Variants in SLC7A2 observed in about 807,000 individuals in gnomAD.
SLC7A2 encodes the protein solute carrier family 7 member 2.
SLC7A2 carries 48 observed loss-of-function variants against 58.9 expected under a neutral mutation model. The ratio of observed to expected loss-of-function variants is 0.82; its 90% CI spans 0.65 to 1.04. The LOEUF (loss-of-function observed/expected upper bound fraction) is 1.04. SLC7A2 is among the 50% of genes least tolerant of loss of function. The probability of loss-of-function intolerance (pLI) is 0.00; values close to 1 mark genes in which losing one functional copy is unlikely to be tolerated. For synonymous variants in SLC7A2, 363 were observed against 314.5 expected (o/e 1.15, Z -1.63); for missense variants, 1,029 against 818.8 (o/e 1.26, Z -3.13).
At chr8:17,558,093 G>T (rs1211202194) in intron 8 of SLC7A2, among the ~76,000 whole-genome samples, 1 of 152,134 alleles carries the variant, frequency 6.6e-6, no homozygotes, top group Non-Finnish European at 1.5e-5. Flanking sequence ...AGAGAGCTGA[G>T]GGTTTTTGAA....
intron 2 of SLC7A2, among the ~76,000 whole-genome samples, chr8:17,504,201 G>C (rs1192785415): frequency 6.6e-6 from 1 of 152,170 alleles, no homozygotes; most frequent in Non-Finnish European, 1.5e-5. Context: ...TGAGTGTTTA[G>C]TGAGCCTCAG....
chr8:17,543,947 C>A (rs897830334), intron 3 of SLC7A2, among the ~76,000 whole-genome samples: 1 of 152,200 alleles, frequency 6.6e-6, no homozygotes, highest in Admixed American at 6.5e-5. Context: ...CAGCTCGCTG[C>A]AACCTCTGCC....
intron 2 of SLC7A2, among the ~76,000 whole-genome samples, chr8:17,532,844 C>T (rs192164887): frequency 2.7e-4 from 41 of 152,274 alleles, no homozygotes; most frequent in African/African-American, 9.4e-4. Flanking sequence ...ACACATATAT[C>T]GTACTACTCA....
intron 4 of SLC7A2, among the ~76,000 whole-genome samples, chr8:17,545,403 C>CTTTTTTT (rs386412194): frequency 0.012 from 776 of 64,268 alleles, 2 homozygotes; most frequent in African/African-American, 0.018. Context: ...TGAACATTTT[C>CTTTTTTT]TTTTTTTTTT....
In SLC7A2 at chr8:17,551,970, T is replaced by G. The variant is rs775178154; in HGVS notation, c.1039T>G (p.Cys347Gly). 2 of 1,614,096 alleles carry G rather than the reference T, an allele frequency of 1.2e-6. No homozygotes were observed. Residue 347 changes from cysteine (C) to glycine (G), a missense_variant, in exon 7 of 13, where the codon TGC becomes GGC. By Grantham distance (159) the Cys-to-Gly change is radical (BLOSUM62 -3). Coordinates refer to ENST00000494857, the MANE Select transcript of SLC7A2 (RefSeq NM_001370338.1). ...AKYVVAAGSLCALSTSLLGSI... is the reference protein window; with the variant it reads ...AKYVVAAGSLGALSTSLLGSI... ...ATATGTCGTCGCAGCTGGTTCTCTC[T>G]GCGCCTTGTCAACAAGGTACATTGC... is the stretch of plus-strand genomic sequence containing the variant.
At chr8:17,519,195 A>G (rs1800918267) in intron 2 of SLC7A2, among the ~76,000 whole-genome samples, 1 of 152,236 alleles carries the variant, frequency 6.6e-6, no homozygotes, top group African/African-American at 2.4e-5. Flanking sequence ...TCTCACCTAT[A>G]AACTAGAGAT....
At chr8:17,519,301 G>C (rs2150684806) in intron 2 of SLC7A2, among the ~76,000 whole-genome samples, 1 of 152,298 alleles carries the variant, frequency 6.6e-6, no homozygotes, top group East Asian at 1.9e-4. Context: ...GTACGTGCTT[G>C]ATAAATGTTA....
At chr8:17,510,569 T>A (rs1800562847) in intron 2 of SLC7A2, 1 of 152,200 alleles carries the variant, frequency 6.6e-6, no homozygotes, top group African/African-American at 2.4e-5. Flanking sequence ...TGATTTGCAT[T>A]TCTCTAATGA....
intron 7 of SLC7A2, among the ~76,000 whole-genome samples, chr8:17,552,729 T>C (rs559028098): frequency 2.6e-5 from 4 of 152,326 alleles, no homozygotes; most frequent in African/African-American, 9.6e-5. Flanking sequence ...AGTAGCTGCT[T>C]GTTTGAATAC....
At chr8:17,561,827 A>G (rs1433747190) in intron 10 of SLC7A2, 117 bp from the exon 11 acceptor site, 4 of 921,656 alleles carry the variant, frequency 4.3e-6, no homozygotes, top group Non-Finnish European at 6.6e-6. Context: ...GACTCTTTGT[A>G]TTTAGCCAAG....
At chr8:17,506,519 A>G (rs1430074586) in intron 2 of SLC7A2, among the ~76,000 whole-genome samples, 2 of 152,206 alleles carry the variant, frequency 1.3e-5, no homozygotes, top group Non-Finnish European at 2.9e-5. Context: ...CGCCGTGGAC[A>G]GTTATCAAGT....
intron 9 of SLC7A2, among the ~76,000 whole-genome samples, chr8:17,560,057 T>C (rs893765306): frequency 5.3e-5 from 8 of 152,240 alleles, no homozygotes; most frequent in Non-Finnish European, 1.0e-4. Context: ...TTTTCATGAT[T>C]GCCTTACTTT....
chr8:17,549,123 C>T (rs953881480), intron 5 of SLC7A2, among the ~76,000 whole-genome samples: 7 of 152,154 alleles, frequency 4.6e-5, no homozygotes, highest in African/African-American at 1.7e-4. Context: ...GAGACCCACT[C>T]ACCATCACAA....
intron 2 of SLC7A2, among the ~76,000 whole-genome samples, chr8:17,532,242 A>ACAAAAAAAACAAC (rs1453559295): frequency 9.0e-6 from 1 of 111,498 alleles, no homozygotes; most frequent in African/African-American, 3.2e-5. Flanking sequence ...AAAAAAAAAA[A>ACAAAAAAAACAAC]AAAAAAAAAA....
At chr8:17,522,615 G>A (rs948315138) in intron 2 of SLC7A2, among the ~76,000 whole-genome samples, 3 of 152,126 alleles carry the variant, frequency 2.0e-5, no homozygotes, top group African/African-American at 7.2e-5. Context: ...TTTTAGCTGG[G>A]CATCTACAAG....
intron 2 of SLC7A2, among the ~76,000 whole-genome samples, chr8:17,512,314 A>G (rs963632547): frequency 2.0e-5 from 3 of 151,464 alleles, no homozygotes; most frequent in African/African-American, 7.3e-5. Flanking sequence ...TGGGAGGCCA[A>G]GGAGGGTGGA....
At chr8:17,521,119 AT>A (rs199799813) in intron 2 of SLC7A2, among the ~76,000 whole-genome samples, 1 of 151,902 alleles carries the variant, frequency 6.6e-6, no homozygotes, top group Non-Finnish European at 1.5e-5. Flanking sequence ...TTCTTCTACT[AT>A]TTTTTTTGGT....
chr8:17,499,369 C>G (rs1441925333), intron 1 of SLC7A2: 1 of 149,042 alleles, frequency 6.7e-6, no homozygotes, highest in Non-Finnish European at 1.5e-5. Context: ...CCCTCTCTCC[C>G]TCATTTCTCT....
intron 6 of SLC7A2, among the ~76,000 whole-genome samples, chr8:17,551,317 C>G (rs1264000072): frequency 6.6e-6 from 1 of 152,116 alleles, no homozygotes; most frequent in Admixed American, 6.6e-5. Context: ...ACAGATGGAT[C>G]AGCTGGGCAC....
Sources: gnomAD v4.1 joint callset for allele counts (sites outside exome capture counted in the v4.1 genomes callset) on GRCh38, gnomAD v4.1.1 for gene constraint, MANE v1.5 for transcripts, NCBI Gene and HGNC (gene_info 2026-07-23, HGNC 2026-07-21) for gene names.